Variants in KAZN observed in about 807,000 individuals in gnomAD.
KAZN encodes kazrin, periplakin interacting protein.
In KAZN, 40 loss-of-function variants were observed where a neutral mutation model predicts 87.4. That is an observed-to-expected ratio of 0.46 (90% CI 0.36 to 0.60). The LOEUF (loss-of-function observed/expected upper bound fraction) is 0.60. Ranked by LOEUF, KAZN falls within the 20% of genes least tolerant of loss-of-function variation. The pLI, the probability that KAZN is intolerant of heterozygous loss-of-function variation, is 0.00. For missense variants in KAZN, 898 were observed against 1,073.9 expected (o/e 0.84, Z 2.29); for synonymous variants, 466 against 458.3 (o/e 1.02, Z -0.22).
In KAZN at chr1:14,715,487, G is replaced by A. The variant is rs2100242301; in HGVS notation, c.226+116264G>A. 1.3e-5 allele frequency among the ~76,000 whole-genome samples: 2 copies of A among 152,294 alleles called. 1 individual carries two copies. Among genetic ancestry groups the A allele is most frequent in the South Asian group, 4.1e-4 (2 of 4,824 alleles). ...TTCGCAGCAGAGCTGTTGGAAGCCG[G>A]CAGCGCACACATCATCCTCAGAAGG... On this transcript the variant is annotated intron_variant, in intron 1 of 14. Coordinates refer to ENST00000376030, the MANE Select transcript of KAZN (RefSeq NM_201628.3).
chr1:14,078,643 G>A (rs1364591580), intron 1 of KAZN, among the ~76,000 whole-genome samples: 1 of 152,194 alleles, frequency 6.6e-6, no homozygotes, highest in African/African-American at 2.4e-5. Context: ...TTCTCACTGT[G>A]TCCTCACAGG....
intron 1 of KAZN, among the ~76,000 whole-genome samples, chr1:13,989,573 C>T (rs1056674884): frequency 1.7e-5 from 2 of 115,862 alleles, no homozygotes; most frequent in African/African-American, 5.8e-5. Context: ...TGGAGCAAAG[C>T]ATTCATTCAT....
chr1:13,971,924 A>G (rs1389910162), intron 1 of KAZN, among the ~76,000 whole-genome samples: 2 of 152,062 alleles, frequency 1.3e-5, no homozygotes, highest in African/African-American at 4.8e-5. Flanking sequence ...CCATAATTGT[A>G]AGTTCCCTGA....
chr1:13,934,142 A>G, intron 1 of KAZN, among the ~76,000 whole-genome samples: 1 of 152,254 alleles, frequency 6.6e-6, no homozygotes, highest in East Asian at 1.9e-4. Context: ...AAAATATAAA[A>G]GTAACAGCAA....
In KAZN at chr1:14,013,656, C is replaced by T. The variant is rs183057446; in HGVS notation, c.91+119900C>T. On this transcript the variant is annotated intron_variant, in intron 1 of 16. Coordinates refer to the KAZN transcript ENST00000636203. ...GGAATATGGGACTTTAGTACCAGGC[C>T]TCTGCTATTAGCTTATTTTCCTGAC... Among the ~76,000 whole-genome samples, 5 of 152,302 alleles carry T rather than the reference C, an allele frequency of 3.3e-5. No individual in the cohort carries two copies. The East Asian group carries it at 7.7e-4, about 24-fold the overall frequency.
rs143736398 is a variant in KAZN, at chr1:14,009,754, A to G, written c.91+115998A>G. On this transcript the variant is annotated intron_variant, in intron 1 of 16. Coordinates refer to the KAZN transcript ENST00000636203. Reference sequence around the variant, plus strand: ...GCATTTACTGTGGGACAGAGAATACAACATAAGCATTATGTCTTCTGCCCT... The same window carrying G: ...GCATTTACTGTGGGACAGAGAATACGACATAAGCATTATGTCTTCTGCCCT... Among the ~76,000 whole-genome samples the G allele has an allele frequency of 1.8e-3, 272 of 152,324 alleles. 1 individual carries two copies. Among genetic ancestry groups the G allele is most frequent in the African/African-American group, 6.2e-3 (256 of 41,550 alleles).
chr1:14,359,666 A>G (rs1490209124), intron 2 of KAZN, among the ~76,000 whole-genome samples: 1 of 152,284 alleles, frequency 6.6e-6, no homozygotes, highest in East Asian at 1.9e-4. Context: ...GCTTGTCTGT[A>G]AAGGATTTTA....
intron 2 of KAZN, among the ~76,000 whole-genome samples, chr1:14,339,024 A>G (rs1657485477): frequency 6.6e-6 from 1 of 152,310 alleles, no homozygotes; most frequent in Admixed American, 6.5e-5. Flanking sequence ...AGACTCTGAA[A>G]AAAGAAAAAA....
chr1:15,016,177 G>T (rs1670077757), intron 2 of KAZN, among the ~76,000 whole-genome samples: 1 of 152,182 alleles, frequency 6.6e-6, no homozygotes, highest in Non-Finnish European at 1.5e-5. Context: ...TCTACAGGCC[G>T]ACGGACGCCA....
At chr1:14,543,438 C>A (rs1672937549) in intron 2 of KAZN, among the ~76,000 whole-genome samples, 1 of 152,128 alleles carries the variant, frequency 6.6e-6, no homozygotes. Context: ...CTGGAGTGTG[C>A]CAATCATGCC....
chr1:14,547,486 C>G (rs1310444260), intron 2 of KAZN, among the ~76,000 whole-genome samples: 1 of 152,120 alleles, frequency 6.6e-6, no homozygotes, highest in Admixed American at 6.5e-5. Context: ...TTTCAAAACT[C>G]CTTTAGACTG....
chr1:14,346,407 TC>T (rs1220855656), intron 2 of KAZN, among the ~76,000 whole-genome samples: 8 of 152,266 alleles, frequency 5.3e-5, no homozygotes, highest in Admixed American at 5.2e-4. Context: ...ACCTGTGCCC[TC>T]CTTTGCACCG....
chr1:14,330,862 G>A (rs571646825), intron 2 of KAZN, among the ~76,000 whole-genome samples: 50 of 152,218 alleles, frequency 3.3e-4, no homozygotes, highest in African/African-American at 9.9e-4. Context: ...AAAGACTCCC[G>A]GGATATATCA....
At chr1:13,918,952 C>T (rs994117509) in intron 1 of KAZN, among the ~76,000 whole-genome samples, 21 of 152,012 alleles carry the variant, frequency 1.4e-4, no homozygotes, top group Admixed American at 3.9e-4. Context: ...TTTTTTCCCC[C>T]TTTTTGGAAT....
chr1:14,651,581 AT>A (rs1399094227), intron 1 of KAZN, among the ~76,000 whole-genome samples: 1 of 152,172 alleles, frequency 6.6e-6, no homozygotes, highest in Non-Finnish European at 1.5e-5. Context: ...ACAAGCAGGA[AT>A]CACCTGGTAC....
chr1:14,233,776 C>T (rs777571252), intron 2 of KAZN, among the ~76,000 whole-genome samples: 18 of 152,200 alleles, frequency 1.2e-4, no homozygotes, highest in Non-Finnish European at 2.5e-4. Flanking sequence ...CCTACTGCCT[C>T]TGCCAAAAGA....
chr1:15,033,116 A>G (rs1239083888), intron 2 of KAZN, among the ~76,000 whole-genome samples: 1 of 152,186 alleles, frequency 6.6e-6, no homozygotes, highest in African/African-American at 2.4e-5. Flanking sequence ...ATCTAGAGAT[A>G]AAGTGTATGA....
chr1:14,425,926 C>A (rs1665698720), intron 2 of KAZN, among the ~76,000 whole-genome samples: 1 of 152,194 alleles, frequency 6.6e-6, no homozygotes, highest in South Asian at 2.1e-4. Context: ...TCTCCCCTGC[C>A]CATCCCCCAA....
chr1:14,624,963 T>G (rs1679014365), intron 1 of KAZN, among the ~76,000 whole-genome samples: 1 of 151,936 alleles, frequency 6.6e-6, no homozygotes, highest in African/African-American at 2.4e-5. Context: ...CAACATTTGG[T>G]TTTTGATGAG....
Sources: allele counts gnomAD v4.1 joint callset (sites outside exome capture counted in the v4.1 genomes callset), GRCh38; gene constraint gnomAD v4.1.1; transcripts MANE v1.5; gene names NCBI Gene and HGNC (gene_info 2026-07-23, HGNC 2026-07-21).